Variants in KIAA1958 observed in about 807,000 individuals in gnomAD.
The protein encoded by KIAA1958 is uncharacterized protein KIAA1958.
A neutral mutation model predicts 47.2 loss-of-function variants in KIAA1958; 14 were observed. The ratio of observed to expected loss-of-function variants is 0.30; its 90% CI spans 0.20 to 0.46. The LOEUF is 0.46. Among genes scored for constraint, KIAA1958 ranks in the 20% least tolerant of loss-of-function variants. The probability of loss-of-function intolerance (pLI) is 1.00; values close to 1 mark genes in which losing one functional copy is unlikely to be tolerated. For missense variants in KIAA1958, 803 were observed against 909.2 expected (o/e 0.88, Z 1.50); for synonymous variants, 354 against 353.3 (o/e 1.00, Z -0.02).
chr9:112,557,993 G>A (rs908348151), intron 1 of KIAA1958, among the ~76,000 whole-genome samples: 16 of 152,190 alleles, frequency 1.1e-4, no homozygotes, highest in Non-Finnish European at 1.8e-4. Context: ...TTGGGAGGCC[G>A]AGGCGGGTGG....
In KIAA1958 at chr9:112,574,857, C is replaced by T; in HGVS notation, c.777C>T (p.Ala259=). 2 of 1,614,162 alleles carry T rather than the reference C, an allele frequency of 1.2e-6. No homozygotes were observed. The highest frequency in any genetic ancestry group is 1.1e-5 in the South Asian group (1 of 91,076). ...SAKLIPHVTS[A]ISTELDPHGM... is the part of the protein sequence containing the mutation. ...AACTGATTCCCCATGTCACATCTGC[C>T]ATCAGCACGGAGCTAGACCCACACG... Residue 259 remains alanine, a synonymous_variant, in exon 2 of 4, where the codon GCC becomes GCT. Transcript: ENST00000337530.
chr9:112,556,960 T>C (rs1835252792), intron 1 of KIAA1958, among the ~76,000 whole-genome samples: 1 of 152,154 alleles, frequency 6.6e-6, no homozygotes. Context: ...CAGTTGCTTT[T>C]GTTCCTTCAG....
chr9:112,634,972 G>C (rs114681771), intron 2 of KIAA1958, among the ~76,000 whole-genome samples: 5 of 151,822 alleles, frequency 3.3e-5, no homozygotes, highest in African/African-American at 1.2e-4. Context: ...TTTTGTTTAT[G>C]ATGTGAGGTA....
intron 1 of KIAA1958, among the ~76,000 whole-genome samples, chr9:112,495,733 A>G (rs1390083280): frequency 6.6e-6 from 1 of 152,216 alleles, no homozygotes; most frequent in East Asian, 1.9e-4. Context: ...CACATTTGTC[A>G]TTGCTCCAAA....
intron 2 of KIAA1958, among the ~76,000 whole-genome samples, chr9:112,625,438 G>A (rs1348849570): frequency 6.6e-6 from 1 of 152,150 alleles, no homozygotes; most frequent in African/African-American, 2.4e-5. Context: ...ACAGGCATGA[G>A]CCACTGCTCT....
chr9:112,613,203 T>TA (rs1836356603), intron 2 of KIAA1958, among the ~76,000 whole-genome samples: 1 of 152,234 alleles, frequency 6.6e-6, no homozygotes, highest in Non-Finnish European at 1.5e-5. Flanking sequence ...AACTGTCCTA[T>TA]ATGCTTGTAT....
At chr9:112,574,032 T>G (rs1031674774) in intron 1 of KIAA1958, 25 bp from the exon 2 acceptor site, 5 of 1,229,180 alleles carry the variant, frequency 4.1e-6, no homozygotes, top group African/African-American at 3.0e-5. Context: ...AATAATGGCT[T>G]CTTCTTTTGA....
In KIAA1958 at chr9:112,487,026, T is replaced by C; in HGVS notation, c.-117T>C. The C allele has an allele frequency of 5.1e-6, 1 of 196,488 alleles. No individual in the cohort carries two copies. The highest frequency in any genetic ancestry group is 1.0e-5 in the Non-Finnish European group (1 of 97,140). 12.2% of individuals were successfully genotyped at this position (196,488 alleles called of 1,614,324 possible). The stretch of plus-strand genomic sequence containing the variant: ...CGCTCTCCTCCCGCCCTCGCGCCCC[T>C]TCGGCCCGTCCCGTCCAGCCCGGGC... On this transcript the variant is annotated 5_prime_UTR_variant, in exon 1 of 4. Coordinates refer to ENST00000337530, the MANE Select transcript of KIAA1958 (RefSeq NM_133465.4).
intron 2 of KIAA1958, among the ~76,000 whole-genome samples, chr9:112,598,576 A>T (rs1836072065): frequency 6.6e-6 from 1 of 152,204 alleles, no homozygotes; most frequent in Admixed American, 6.5e-5. Context: ...TCCAATGCCA[A>T]ACCCTTATTC....
At chr9:112,627,441 T>C (rs1331759654) in intron 2 of KIAA1958, among the ~76,000 whole-genome samples, 1 of 152,230 alleles carries the variant, frequency 6.6e-6, no homozygotes, top group Non-Finnish European at 1.5e-5. Flanking sequence ...TCATGGCTTA[T>C]TGTTTGAATT....
intron 1 of KIAA1958, among the ~76,000 whole-genome samples, chr9:112,512,869 A>G (rs1046325919): frequency 6.6e-6 from 1 of 151,774 alleles, no homozygotes; most frequent in Admixed American, 6.6e-5. Context: ...ACAGAGCCTC[A>G]CTCCGTCATC....
At chr9:112,658,199 G>A (rs2131253220) in intron 3 of KIAA1958, among the ~76,000 whole-genome samples, 1 of 152,212 alleles carries the variant, frequency 6.6e-6, no homozygotes, top group East Asian at 1.9e-4. Context: ...GAAAACCTGT[G>A]GCTCATTAAA....
At chr9:112,643,232 C>T (rs946358589) in intron 2 of KIAA1958, among the ~76,000 whole-genome samples, 3 of 152,102 alleles carry the variant, frequency 2.0e-5, no homozygotes, top group South Asian at 2.1e-4. Flanking sequence ...GTCAGAGACC[C>T]GGGTTCAAAT....
intron 1 of KIAA1958, among the ~76,000 whole-genome samples, chr9:112,497,763 T>C (rs1184093671): frequency 6.6e-6 from 1 of 152,200 alleles, no homozygotes; most frequent in East Asian, 1.9e-4. Flanking sequence ...TACAGTTTTA[T>C]CACCTTTTTA....
At chr9:112,536,146 T>C (rs1216711395) in intron 1 of KIAA1958, among the ~76,000 whole-genome samples, 1 of 152,240 alleles carries the variant, frequency 6.6e-6, no homozygotes, top group Non-Finnish European at 1.5e-5. Flanking sequence ...GGCACTGGAC[T>C]TTCTTTCCCA....
intron 2 of KIAA1958, among the ~76,000 whole-genome samples, chr9:112,610,824 A>T (rs1295365132): frequency 6.6e-6 from 1 of 152,198 alleles, no homozygotes; most frequent in African/African-American, 2.4e-5. Flanking sequence ...TTTGCTTATG[A>T]ATACCAGTGC....
chr9:112,517,328 G>C (rs1564156134), intron 1 of KIAA1958, among the ~76,000 whole-genome samples: 1 of 152,192 alleles, frequency 6.6e-6, no homozygotes, highest in African/African-American at 2.4e-5. Flanking sequence ...TTGAAGAATT[G>C]TATGTCTATA....
intron 1 of KIAA1958, among the ~76,000 whole-genome samples, chr9:112,495,347 TG>T (rs1834035661): frequency 6.6e-6 from 1 of 152,224 alleles, no homozygotes. Context: ...AGAAGGTTTC[TG>T]TGATGGAGAT....
rs1364879211 is a variant in KIAA1958, at chr9:112,490,775, T to C, written c.-25+3657T>C. Among the ~76,000 whole-genome samples, 3 of 152,226 alleles carry C rather than the reference T, an allele frequency of 2.0e-5. No homozygotes were observed. In the East Asian group the frequency reaches 5.8e-4, roughly 29 times the overall value. ...TTACACTTAAACAGTTGGAGAGCTT[T>C]TTCACCGTTAGTGTTCATAGTGGTA... On this transcript the variant is annotated intron_variant, in intron 1 of 3. Transcript: ENST00000337530.
Sources: allele counts gnomAD v4.1 joint callset (sites outside exome capture counted in the v4.1 genomes callset), GRCh38; gene constraint gnomAD v4.1.1; transcripts MANE v1.5; gene names NCBI Gene and HGNC (gene_info 2026-07-23, HGNC 2026-07-21).